The following AUH variants were observed in gnomAD, a reference collection of about 807,000 sequenced individuals.
The protein encoded by AUH is AU RNA binding methylglutaconyl-CoA hydratase.
A neutral mutation model predicts 42.3 loss-of-function variants in AUH; 29 were observed. That is an observed-to-expected ratio of 0.69 (90% CI 0.51 to 0.93). The LOEUF (loss-of-function observed/expected upper bound fraction) is 0.93. Ranked by LOEUF, AUH falls within the 40% of genes least tolerant of loss-of-function variation. The pLI is 0.00. For missense variants in AUH, 452 were observed against 438.1 expected, an observed-to-expected ratio of 1.03 and a Z score of -0.28; for synonymous variants, 174 against 166.4, an observed-to-expected ratio of 1.05 and a Z score of -0.35.
intron 6 of AUH, among the ~76,000 whole-genome samples, chr9:91,294,960 T>G (rs1310403466): frequency 6.6e-6 from 1 of 152,212 alleles, no homozygotes; most frequent in Non-Finnish European, 1.5e-5. Flanking sequence ...CATCCTGAAT[T>G]GTAGCTCCCA....
At chr9:91,275,585 T>C (rs2482339) in intron 6 of AUH, among the ~76,000 whole-genome samples, 147,741 of 152,262 alleles carry the variant, frequency 0.97, 71,696 homozygotes, top group East Asian at 1. Flanking sequence ...CTTGACAGAG[T>C]GAATCTTAAC....
chr9:91,221,220 G>A (rs1827115151), intron 6 of AUH, among the ~76,000 whole-genome samples: 1 of 152,124 alleles, frequency 6.6e-6, no homozygotes, highest in African/African-American at 2.4e-5. Context: ...AAGTGATTTT[G>A]GCACTGAGTA....
rs1830026884 is a variant in AUH at position 91,267,303 on chromosome 9, G to A, written c.655+28718C>T. 2.6e-5 allele frequency among the ~76,000 whole-genome samples: 4 copies of A among 152,168 alleles called. No individual in the cohort carries two copies. In the South Asian group the frequency reaches 8.3e-4, roughly 32 times the overall value. On this transcript the variant is annotated intron_variant, in intron 6 of 9. Coordinates refer to ENST00000375731, the MANE Select transcript of AUH (RefSeq NM_001698.3). ...TTTTACAGAGAAAGAAAAGATCAGA[G>A]ACCCAAGTACCTTGCCATAATTAGC...
intron 3 of AUH, among the ~76,000 whole-genome samples, chr9:91,334,288 G>C (rs1830538552): frequency 6.6e-6 from 1 of 152,246 alleles, no homozygotes; most frequent in Non-Finnish European, 1.5e-5. Flanking sequence ...TGGTACGTCA[G>C]TAAGGGTCCT....
At chr9:91,296,126 A>T in intron 5 of AUH, 49 bp from the exon 6 acceptor site, 1 of 1,566,872 alleles carries the variant, frequency 6.4e-7, no homozygotes, top group Non-Finnish European at 8.8e-7. Flanking sequence ...ATCACATTCA[A>T]ATATGACAAC....
chr9:91,257,442 A>C (rs977477138), intron 6 of AUH, among the ~76,000 whole-genome samples: 1 of 152,170 alleles, frequency 6.6e-6, no homozygotes, highest in African/African-American at 2.4e-5. Context: ...CAGTGCGAGG[A>C]GCCTCTTGAT....
At chr9:91,234,157 C>T (rs1268464138) in intron 6 of AUH, among the ~76,000 whole-genome samples, 7 of 152,170 alleles carry the variant, frequency 4.6e-5, no homozygotes, top group African/African-American at 1.7e-4. Context: ...TTGGCCACCC[C>T]TCTCTCCACT....
At chr9:91,295,306 A>C (rs944881542) in intron 6 of AUH, among the ~76,000 whole-genome samples, 3 of 152,214 alleles carry the variant, frequency 2.0e-5, no homozygotes, top group African/African-American at 7.2e-5. Context: ...ACAAATAAAG[A>C]AAACAGTTTC....
At chr9:91,215,175 C>A (rs1826749272) in intron 9 of AUH, among the ~76,000 whole-genome samples, 1 of 152,100 alleles carries the variant, frequency 6.6e-6, no homozygotes, top group South Asian at 2.1e-4. Flanking sequence ...ATTTCAGATG[C>A]CCTAAAACAA....
chr9:91,246,864 G>A (rs1316982216), intron 6 of AUH, among the ~76,000 whole-genome samples: 1 of 152,258 alleles, frequency 6.6e-6, no homozygotes, highest in Non-Finnish European at 1.5e-5. Flanking sequence ...CACATGATGA[G>A]GATGGCAAAA....
rs1414665504 is a variant in AUH at position 91,307,504 on chromosome 9, AATAAACAACAT to A, written c.506-9439_506-9429del. Among the ~76,000 whole-genome samples the A allele has an allele frequency of 5.3e-5, 8 of 152,322 alleles. No homozygotes were observed. In the East Asian group the frequency reaches 1.5e-3, roughly 29 times the overall value. On this transcript the variant is annotated intron_variant, in intron 4 of 9. Coordinates refer to ENST00000375731, the MANE Select transcript of AUH (RefSeq NM_001698.3). ...AAAATATTACACGGAAAAGTCCAAA[AATAAACAACAT>A]ATAAGTTTTAAATGACACACCATTC... is the stretch of plus-strand genomic sequence containing the variant.
chr9:91,304,311 A>G (rs1483940867), intron 4 of AUH, among the ~76,000 whole-genome samples: 3 of 152,214 alleles, frequency 2.0e-5, no homozygotes, highest in Non-Finnish European at 4.4e-5. Context: ...GACTAAATTT[A>G]CTTTTTTACT....
rs938778598 is a variant in AUH, at chr9:91,246,106, G to A, written c.656-25114C>T. ...TTACAAAGCTGAATCATGGCCTCCC[G>A]CCCTGCTGGGTGATTCCTGCCTCCT... On this transcript the variant is annotated intron_variant, in intron 6 of 9. Coordinates refer to ENST00000375731, the MANE Select transcript of AUH (RefSeq NM_001698.3). Among the ~76,000 whole-genome samples, 4 of 152,108 alleles carry A rather than the reference G, an allele frequency of 2.6e-5. No individual in the cohort carries two copies. In the East Asian group the frequency reaches 5.8e-4, roughly 22 times the overall value.
intron 6 of AUH, among the ~76,000 whole-genome samples, chr9:91,279,428 A>T (rs1024705632): frequency 6.6e-6 from 1 of 152,194 alleles, no homozygotes; most frequent in Non-Finnish European, 1.5e-5. Flanking sequence ...ACCTGAGAGT[A>T]ATTTATAAAG....
rs192405964 is a variant in AUH at position 91,333,393 on chromosome 9, T to C, written c.419-7989A>G. On this transcript the variant is annotated intron_variant, in intron 3 of 9. Coordinates refer to ENST00000375731, the MANE Select transcript of AUH (RefSeq NM_001698.3). ...GCAAATTAAATTAATTTTTATTAAA[T>C]TCCCTATAAAGTGCCAAGTTTAAAA... is the stretch of plus-strand genomic sequence containing the variant. 1.4e-4 allele frequency among the ~76,000 whole-genome samples: 21 copies of C among 152,344 alleles called. No homozygotes were observed. The East Asian group carries it at 3.7e-3, about 27-fold the overall frequency.
At chr9:91,235,216 A>C (rs1456739634) in intron 6 of AUH, among the ~76,000 whole-genome samples, 1 of 152,194 alleles carries the variant, frequency 6.6e-6, no homozygotes, top group Non-Finnish European at 1.5e-5. Context: ...TAGGGGCAAA[A>C]TCAGAACAGG....
chr9:91,341,479 T>A (rs1392277365), intron 3 of AUH, among the ~76,000 whole-genome samples: 2 of 152,212 alleles, frequency 1.3e-5, no homozygotes, highest in South Asian at 4.1e-4. Flanking sequence ...ACTGGTTAAA[T>A]TTACTGGTAC....
intron 6 of AUH, among the ~76,000 whole-genome samples, chr9:91,236,479 C>T (rs755546287): frequency 1.3e-5 from 2 of 152,088 alleles, no homozygotes; most frequent in Non-Finnish European, 2.9e-5. Flanking sequence ...GTGATTATCA[C>T]AAAGAACCAT....
intron 6 of AUH, among the ~76,000 whole-genome samples, chr9:91,224,343 T>C (rs1410018623): frequency 6.6e-6 from 1 of 152,242 alleles, no homozygotes; most frequent in Admixed American, 6.5e-5. Context: ...GAGTTCTTTA[T>C]ATATTCTGGA....
Sources: allele counts gnomAD v4.1 joint callset (sites outside exome capture counted in the v4.1 genomes callset), GRCh38; gene constraint gnomAD v4.1.1; transcripts MANE v1.5; gene names NCBI Gene and HGNC (gene_info 2026-07-23, HGNC 2026-07-21).